Variants in ULK4 observed in about 807,000 individuals in gnomAD.
ULK4 encodes unc-51 like kinase 4.
In ULK4, 133 loss-of-function variants were observed where a neutral mutation model predicts 160.6. The observed-to-expected ratio is 0.83, with a 90% CI of 0.72 to 0.96. The LOEUF is 0.96. ULK4 is among the 40% of genes least tolerant of loss of function. The probability of loss-of-function intolerance (pLI) is 0.00; values close to 1 mark genes in which losing one functional copy is unlikely to be tolerated. For synonymous variants in ULK4, 534 were observed against 539.8 expected (o/e 0.99, Z 0.15); for missense variants, 1,580 against 1,499.5 (o/e 1.05, Z -0.89).
intron 30 of ULK4, among the ~76,000 whole-genome samples, chr3:41,627,823 G>A (rs2033589130): frequency 6.6e-6 from 1 of 152,202 alleles, no homozygotes; most frequent in South Asian, 2.1e-4. Context: ...CTGGTGAGAG[G>A]AGGTGTTCGT....
intron 32 of ULK4, among the ~76,000 whole-genome samples, chr3:41,471,130 C>T (rs2083980347): frequency 6.6e-6 from 1 of 151,900 alleles, no homozygotes; most frequent in African/African-American, 2.4e-5. Context: ...AGGACACACA[C>T]AAACTGAAAG....
intron 35 of ULK4, among the ~76,000 whole-genome samples, chr3:41,311,671 C>T (rs1175323159): frequency 2.6e-5 from 4 of 152,044 alleles, no homozygotes; most frequent in Non-Finnish European, 4.4e-5. Context: ...CGAGTTCAAG[C>T]GATTCTCCTG....
intron 35 of ULK4, among the ~76,000 whole-genome samples, chr3:41,314,468 C>T (rs773283137): frequency 1.8e-4 from 28 of 152,104 alleles, no homozygotes; most frequent in African/African-American, 2.9e-4. Context: ...TTTCTGTTTC[C>T]GAGTTATTTC....
intron 25 of ULK4, 75 bp downstream of exon 25, chr3:41,715,162 T>C: frequency 6.9e-7 from 1 of 1,446,302 alleles, no homozygotes; most frequent in Non-Finnish European, 9.6e-7. Flanking sequence ...ATTACCTCAT[T>C]CTGACATCAA....
chr3:41,920,621 T>G (rs1282820225), intron 5 of ULK4, among the ~76,000 whole-genome samples: 1 of 152,096 alleles, frequency 6.6e-6, no homozygotes, highest in Non-Finnish European at 1.5e-5. Context: ...TGGTGCACAC[T>G]CTCTGCATTC....
At chr3:41,814,932 G>A (rs1338204829) in intron 19 of ULK4, among the ~76,000 whole-genome samples, 2 of 111,738 alleles carry the variant, frequency 1.8e-5, no homozygotes, top group African/African-American at 7.6e-5. Flanking sequence ...TTTTTGAGAT[G>A]GAGTCTTGTT....
intron 32 of ULK4, among the ~76,000 whole-genome samples, chr3:41,507,959 T>G (rs542634978): frequency 3.9e-4 from 59 of 152,306 alleles, no homozygotes; most frequent in African/African-American, 1.3e-3. Flanking sequence ...AGGAACTGAA[T>G]TGCCACTGCA....
At chr3:41,720,153 G>A (rs1225252969) in intron 22 of ULK4, among the ~76,000 whole-genome samples, 2 of 152,096 alleles carry the variant, frequency 1.3e-5, no homozygotes, top group Non-Finnish European at 2.9e-5. Context: ...GATAATGTTT[G>A]TCACCCCAGT....
intron 32 of ULK4, among the ~76,000 whole-genome samples, chr3:41,542,196 T>A (rs1420812145): frequency 6.6e-6 from 1 of 152,246 alleles, no homozygotes; most frequent in African/African-American, 2.4e-5. Flanking sequence ...GTTCCTTCGA[T>A]ACCTCATTTA....
chr3:41,957,873 G>A (rs1233387804), intron 1 of ULK4, among the ~76,000 whole-genome samples: 2 of 151,778 alleles, frequency 1.3e-5, no homozygotes, highest in Non-Finnish European at 2.9e-5. Context: ...ATCTCTACAA[G>A]ATATTTAAAA....
chr3:41,794,660 CAAA>C (rs71075484), intron 20 of ULK4, among the ~76,000 whole-genome samples: 1,065 of 18,826 alleles, frequency 0.057, 31 homozygotes, highest in Middle Eastern at 0.29. Flanking sequence ...GACTCTGTCT[CAAA>C]AAAAAAAAAA....
intron 35 of ULK4, among the ~76,000 whole-genome samples, chr3:41,353,643 G>T (rs919390830): frequency 6.6e-6 from 1 of 151,186 alleles, no homozygotes; most frequent in Non-Finnish European, 1.5e-5. Flanking sequence ...ACTCCAGACT[G>T]GGTAATGGAG....
At chr3:41,593,876 T>C (rs183391925) in intron 31 of ULK4, among the ~76,000 whole-genome samples, 1 of 151,106 alleles carries the variant, frequency 6.6e-6, no homozygotes, top group African/African-American at 2.4e-5. Flanking sequence ...ACAAAAAATA[T>C]AAAAAACTTA....
chr3:41,810,067 T>C (rs73077365), intron 19 of ULK4, among the ~76,000 whole-genome samples: 18,893 of 152,252 alleles, frequency 0.12, 1,354 homozygotes, highest in Middle Eastern at 0.27. Flanking sequence ...ACTATAGGTC[T>C]AATTCTTTAT....
chr3:41,639,835 G>T (rs2034111505), intron 30 of ULK4, among the ~76,000 whole-genome samples: 1 of 152,098 alleles, frequency 6.6e-6, no homozygotes, highest in Non-Finnish European at 1.5e-5. Flanking sequence ...GTAAAATTAA[G>T]ATGTTAATCT....
chr3:41,690,586 C>T (rs2036263076), intron 27 of ULK4, among the ~76,000 whole-genome samples: 1 of 151,552 alleles, frequency 6.6e-6, no homozygotes. Context: ...GCCTCCTTTC[C>T]TCTTTTCTTA....
intron 18 of ULK4, among the ~76,000 whole-genome samples, chr3:41,825,601 A>G (rs780868667): frequency 2.0e-5 from 3 of 152,194 alleles, no homozygotes; most frequent in African/African-American, 7.2e-5. Flanking sequence ...GCAAGAAGAG[A>G]AGTTTAAACA....
chr3:41,381,824 C>T (rs1459319824), intron 35 of ULK4, among the ~76,000 whole-genome samples: 2 of 152,052 alleles, frequency 1.3e-5, no homozygotes, highest in African/African-American at 2.4e-5. Flanking sequence ...CCAGTGTTTA[C>T]GAGGGTTTAC....
intron 17 of ULK4, among the ~76,000 whole-genome samples, chr3:41,841,072 G>A (rs1200872727): frequency 6.7e-6 from 1 of 149,908 alleles, no homozygotes; most frequent in African/African-American, 2.5e-5. Context: ...CCCATCATCT[G>A]GGATGTGAGA....
Sources: gnomAD v4.1 joint callset for allele counts (sites outside exome capture counted in the v4.1 genomes callset) on GRCh38, gnomAD v4.1.1 for gene constraint, MANE v1.5 for transcripts, NCBI Gene and HGNC (gene_info 2026-07-23, HGNC 2026-07-21) for gene names.